The following EME2 variants were observed in gnomAD, a reference collection of about 807,000 sequenced individuals.
EME2 encodes structure-specific endonuclease subunit EME2.
Under a neutral mutation model 41.9 loss-of-function variants are expected in EME2, and 58 were observed. The observed-to-expected ratio is 1.38, with a 90% CI of 1.12 to 1.72. EME2 has a LOEUF of 1.72. EME2 is among the 40% of genes most tolerant of loss of function. The probability of loss-of-function intolerance (pLI) is 0.00; values close to 1 mark genes in which losing one functional copy is unlikely to be tolerated. For synonymous variants in EME2, 334 were observed against 239.3 expected, an observed-to-expected ratio of 1.40 and a Z score of -3.65; for missense variants, 695 against 541.9, an observed-to-expected ratio of 1.28 and a Z score of -2.81.
In EME2 at chr16:1,778,409, CA is replaced by C; in HGVS notation, c.*2172del. 6.2e-7 allele frequency: 1 copy of C among 1,605,868 alleles called. No individual in the cohort carries two copies. Among genetic ancestry groups the C allele is most frequent in the Admixed American group, 1.7e-5 (1 of 59,546 alleles). On this transcript the variant is annotated 3_prime_UTR_variant, in exon 8 of 8. Transcript: ENST00000568449. ...CCCAGGCCCGCCCGCAGTGCAGTCCCAGCAGGGGCTGGGCCCCACGCTCACA... is the reference window on the plus strand; with the variant it reads ...CCCAGGCCCGCCCGCAGTGCAGTCCCGCAGGGGCTGGGCCCCACGCTCACA...
In EME2 at chr16:1,777,907, C is replaced by G; in HGVS notation, c.*1669C>G. On this transcript the variant is annotated 3_prime_UTR_variant, in exon 8 of 8. Transcript: ENST00000568449. ...GCCAGGGTCGCAGTGAGCCCGGGAG[C>G]TCCAGGCTCGGCCCCGCCCCACCCT... 1.9e-6 allele frequency: 3 copies of G among 1,611,850 alleles called. No homozygotes were observed. The highest frequency in any genetic ancestry group is 2.5e-6 in the Non-Finnish European group (3 of 1,179,594).
At position 1,777,689 on chromosome 16, in the gene EME2, G is replaced by C. The variant is rs571066473; in HGVS notation, c.*1451G>C. On this transcript the variant is annotated 3_prime_UTR_variant, in exon 8 of 8. Coordinates refer to ENST00000568449, the MANE Select transcript of EME2 (RefSeq NM_001257370.2). Reference sequence around the variant, plus strand: ...TCAGTGTCCCCTGGGCTGGGGCGGGGTGGCTGCCTCCCTCGGGGTGACAGC... The same window carrying C: ...TCAGTGTCCCCTGGGCTGGGGCGGGCTGGCTGCCTCCCTCGGGGTGACAGC... The C allele has an allele frequency of 2.5e-6, 4 of 1,597,504 alleles. No homozygotes were observed. The highest frequency in any genetic ancestry group is 2.2e-5 in the South Asian group (2 of 89,950).
Position 1,773,218 on chromosome 16 carries a change from C to G in EME2, c.-10C>G. On this transcript the variant is annotated 5_prime_UTR_variant, in exon 1 of 8. Transcript: ENST00000568449. The stretch of plus-strand genomic sequence containing the variant: ...TCGCGGCCGGAAGCGAGGAAGAGGT[C>G]GGTCCGGCCATGGCGCGGGTTGGAC... 3 of 1,442,564 alleles carry G rather than the reference C, an allele frequency of 2.1e-6. No homozygotes were observed. The highest frequency in any genetic ancestry group is 2.7e-6 in the Non-Finnish European group (3 of 1,107,166). 89.4% of individuals were successfully genotyped at this position (1,442,564 alleles called of 1,614,324 possible).
chr16:1,781,398 AGAGCCACGGCCCGGGCATCTGCGTCTCG>A lies in EME2; in HGVS notation c.*5162_*5189del. On this transcript the variant is annotated 3_prime_UTR_variant, in exon 8 of 8. Transcript: ENST00000568449. ...GTAGCCCCAGTTAGTGGAGCCTGCT[AGAGCCACGGCCCGGGCATCTGCGTCTCG>A]GCGGGCTGCACTCAGGACGAAGTGC... 7.4e-6 allele frequency: 12 copies of A among 1,612,858 alleles called. No individual in the cohort carries two copies. Among genetic ancestry groups the A allele is most frequent in the African/African-American group, 1.3e-5 (1 of 75,030 alleles).
In EME2 at chr16:1,777,276, C is replaced by A; in HGVS notation, c.*1038C>A. 1 of 1,610,546 alleles carries A rather than the reference C, an allele frequency of 6.2e-7. No individual in the cohort carries two copies. The highest frequency in any genetic ancestry group is 1.1e-5 in the South Asian group (1 of 91,080). ...AGGCCCGGCGGCAGCGGCAGACCCT[C>A]CAGCGTGTCTCCCGAGTCTGGCCGC... On this transcript the variant is annotated 3_prime_UTR_variant, in exon 8 of 8. Coordinates refer to ENST00000568449, the MANE Select transcript of EME2 (RefSeq NM_001257370.2).
Position 1,777,189 on chromosome 16 carries a change from C to T in EME2, c.*951C>T, listed in dbSNP as rs1355140242. The T allele has an allele frequency of 3.1e-6, 5 of 1,610,652 alleles. No homozygotes were observed. The highest frequency in any genetic ancestry group is 1.7e-5 in the Admixed American group (1 of 60,006). On this transcript the variant is annotated 3_prime_UTR_variant, in exon 8 of 8. Coordinates refer to ENST00000568449, the MANE Select transcript of EME2 (RefSeq NM_001257370.2). ...GCTGCCTGGGGATCGGACACTGGAG[C>T]CTTGCGGCGGCTGCAACTCATGCTC...
rs750714283 is a variant in EME2, at chr16:1,778,131, T to G, written c.*1893T>G. The G allele has an allele frequency of 6.2e-7, 1 of 1,612,750 alleles. No individual in the cohort carries two copies. Among genetic ancestry groups the G allele is most frequent in the Non-Finnish European group, 8.5e-7 (1 of 1,179,710 alleles). On this transcript the variant is annotated 3_prime_UTR_variant, in exon 8 of 8. Coordinates refer to ENST00000568449, the MANE Select transcript of EME2 (RefSeq NM_001257370.2). The stretch of plus-strand genomic sequence containing the variant: ...AGAAGCACCCTGGGCCGAAGCAACT[T>G]ACCATGTCGGTGCCGTAGACGGGAG...
rs759517804 is a variant in EME2 at position 1,773,040 on chromosome 16, C to G, written c.-188C>G. 2 of 1,435,588 alleles carry G rather than the reference C, an allele frequency of 1.4e-6. No individual in the cohort carries two copies. Among genetic ancestry groups the G allele is most frequent in the Non-Finnish European group, 1.8e-6 (2 of 1,096,182 alleles). The allele number at this position is 1,435,588 out of a possible 1,614,324, so 88.9% of individuals were successfully genotyped here. ...CGCGTAGAGCTGGGAGTCGCGCGGC[C>G]TGTTCAGTTGCTCCCGCAGGGCGCG... is the stretch of plus-strand genomic sequence containing the variant. On this transcript the variant is annotated 5_prime_UTR_variant, in exon 1 of 8. Transcript: ENST00000568449.
rs1200114602 is a variant in EME2, at chr16:1,774,426, C to A, written c.477+74C>A. On this transcript the variant is annotated intron_variant, in intron 3 of 7. Transcript: ENST00000568449. ...CCCAGCCGGGAGGCGCCTGCTCCGC[C>A]GGTCCCTGCCCCTGTAGACGGGGCT... The A allele has an allele frequency of 5.6e-6, 7 of 1,244,258 alleles. No homozygotes were observed. The African/African-American group carries it at 8.9e-5, about 16-fold the overall frequency. The allele number at this position is 1,244,258 out of a possible 1,614,324, so 77.1% of individuals were successfully genotyped here.
At chr16:1,774,407 C>A in intron 3 of EME2, 55 bp downstream of exon 3, 1 of 1,460,784 alleles carries the variant, frequency 6.8e-7, no homozygotes, top group South Asian at 1.1e-5. Context: ...GGTTCCCAGC[C>A]GGGAGGCGCC....
rs201717218 is a variant in EME2 at position 1,773,439 on chromosome 16, A to G, written c.212A>G (p.Gln71Arg). Residue 71 changes from glutamine (Q) to arginine (R), a missense_variant, in exon 1 of 8, where the codon CAG (glutamine) becomes CGG (arginine). Transcript: ENST00000568449. ...AEALRLLRPEQVLKRLAVCVD... is the reference protein window; with the variant it reads ...AEALRLLRPERVLKRLAVCVD... The stretch of plus-strand genomic sequence containing the variant: ...GCGTTGCGGCTGCTGCGGCCGGAGC[A>G]GGTCCTGAAGCGCCTCGCGGTGTGC... 835 of 1,571,408 alleles carry G rather than the reference A, an allele frequency of 5.3e-4. 1 individual carries two copies. The African/African-American group carries it at 7.9e-3, about 15-fold the overall frequency.
At position 1,775,914 on chromosome 16, in the gene EME2, G is replaced by A. The variant is rs2141983673; in HGVS notation, c.897G>A (p.Gln299=). 1 of 1,612,238 alleles carries A rather than the reference G, an allele frequency of 6.2e-7. No individual in the cohort carries two copies. Among genetic ancestry groups the A allele is most frequent in the Non-Finnish European group, 8.5e-7 (1 of 1,179,810 alleles). The stretch of plus-strand genomic sequence containing the variant: ...CGGCCTGGCGGAGGCAGATCAGGCA[G>A]TTCAGTCGGGTCAGCCCAGCCGTGG... ...LQAAWRRQIR[Q]FSRVSPAVAD... Residue 299 remains glutamine, a synonymous_variant, in exon 7 of 8, where the codon CAG becomes CAA. Transcript: ENST00000568449.
chr16:1,778,332 G>C lies in EME2; in HGVS notation c.*2094G>C. The C allele has an allele frequency of 6.2e-7, 1 of 1,611,852 alleles. No individual in the cohort carries two copies. The highest frequency in any genetic ancestry group is 1.1e-5 in the South Asian group (1 of 91,068). On this transcript the variant is annotated 3_prime_UTR_variant, in exon 8 of 8. Transcript: ENST00000568449. ...AGACCCAGTCGAAATCTGCAAGAGA[G>C]GCCCAGGCTGGGGCAGCCCTGAGAG...
Position 1,780,964 on chromosome 16 carries a change from C to T in EME2, c.*4726C>T, listed in dbSNP as rs1194631203. 2.8e-6 allele frequency: 1 copy of T among 360,714 alleles called. No homozygotes were observed. Among genetic ancestry groups the T allele is most frequent in the African/African-American group, 2.1e-5 (1 of 47,078 alleles). 22.3% of individuals were successfully genotyped at this position (360,714 alleles called of 1,614,324 possible). ...CCCAGGCAGGTCTCAAACTCCTGGG[C>T]TCAAGTGGTCCTCCAGCTTCAGCCT... On this transcript the variant is annotated 3_prime_UTR_variant, in exon 8 of 8. Coordinates refer to ENST00000568449, the MANE Select transcript of EME2 (RefSeq NM_001257370.2).
In EME2 at chr16:1,781,385, A is replaced by G. The variant is rs200905935; in HGVS notation, c.*5147A>G. The G allele has an allele frequency of 1.6e-5, 26 of 1,612,642 alleles. No homozygotes were observed. The highest frequency in any genetic ancestry group is 5.0e-5 in the Admixed American group (3 of 59,990). On this transcript the variant is annotated 3_prime_UTR_variant, in exon 8 of 8. Transcript: ENST00000568449. ...GCCCATCAGAGTCGTAGCCCCAGTT[A>G]GTGGAGCCTGCTAGAGCCACGGCCC... is the stretch of plus-strand genomic sequence containing the variant.
rs547558313 is a variant in EME2, at chr16:1,776,408, A to G, written c.*170A>G. 3.4e-6 allele frequency: 2 copies of G among 583,196 alleles called. No individual in the cohort carries two copies. The highest frequency in any genetic ancestry group is 4.3e-5 in the South Asian group (2 of 46,726). 36.1% of individuals were successfully genotyped at this position (583,196 alleles called of 1,614,324 possible). ...GGTGGTTGCAGGGGAAGTTTTAGGT[A>G]GCTGGGAGAAGAGGGGCTTCTGGCT... On this transcript the variant is annotated 3_prime_UTR_variant, in exon 8 of 8. Coordinates refer to ENST00000568449, the MANE Select transcript of EME2 (RefSeq NM_001257370.2).
chr16:1,773,082 T>G lies in EME2; in HGVS notation c.-146T>G. The G allele has an allele frequency of 1.4e-6, 2 of 1,411,306 alleles. No individual in the cohort carries two copies. The highest frequency in any genetic ancestry group is 1.8e-6 in the Non-Finnish European group (2 of 1,086,496). The allele number at this position is 1,411,306 out of a possible 1,614,324, so 87.4% of individuals were successfully genotyped here. On this transcript the variant is annotated 5_prime_UTR_variant, in exon 1 of 8. Transcript: ENST00000568449. ...CAGGGCGCGCACGCGGCGGGCCAGCTCCGCGATCAGCCGCGGACGCACCTT... is the reference window on the plus strand; with the variant it reads ...CAGGGCGCGCACGCGGCGGGCCAGCGCCGCGATCAGCCGCGGACGCACCTT...
At position 1,781,352 on chromosome 16, in the gene EME2, A is replaced by C; in HGVS notation, c.*5114A>C. ...AGCCACGTCCGCCTCGCCCGCTGGA[A>C]CCTACCTGCCCATCAGAGTCGTAGC... On this transcript the variant is annotated 3_prime_UTR_variant, in exon 8 of 8. Transcript: ENST00000568449. 2.5e-6 allele frequency: 4 copies of C among 1,612,262 alleles called. No individual in the cohort carries two copies. The highest frequency in any genetic ancestry group is 3.4e-6 in the Non-Finnish European group (4 of 1,179,928).
rs1416256645 is a variant in EME2 at position 1,778,352 on chromosome 16, T to A, written c.*2114T>A. On this transcript the variant is annotated 3_prime_UTR_variant, in exon 8 of 8. Coordinates refer to ENST00000568449, the MANE Select transcript of EME2 (RefSeq NM_001257370.2). ...AGAGAGGCCCAGGCTGGGGCAGCCCTGAGAGCTCCATGGGGCTCTGCCCTG... is the reference window on the plus strand; with the variant it reads ...AGAGAGGCCCAGGCTGGGGCAGCCCAGAGAGCTCCATGGGGCTCTGCCCTG... The A allele has an allele frequency of 1.9e-6, 3 of 1,610,930 alleles. No individual in the cohort carries two copies. In the African/African-American group the frequency reaches 4.0e-5, roughly 21 times the overall value.
Sources: gnomAD v4.1 joint callset for allele counts on GRCh38, gnomAD v4.1.1 for gene constraint, MANE v1.5 for transcripts, NCBI Gene and HGNC (gene_info 2026-07-23, HGNC 2026-07-21) for gene names.